The following SLC16A2 variants were observed in gnomAD, a reference collection of about 807,000 sequenced individuals.
SLC16A2 encodes solute carrier family 16 member 2, also known as monocarboxylate transporter 8.
In SLC16A2, 3 loss-of-function variants were observed where a neutral mutation model predicts 27.2. The observed-to-expected ratio is 0.11, with a 90% confidence interval of 0.05 to 0.28. SLC16A2 has a LOEUF of 0.28. Ranked by LOEUF, SLC16A2 falls within the 10% of genes least tolerant of loss-of-function variation. SLC16A2 has a pLI of 1.00. For missense variants in SLC16A2, 295 were observed against 458.5 expected (o/e 0.64, Z 3.26); for synonymous variants, 202 against 187.8 (o/e 1.08, Z -0.62).
intron 1 of SLC16A2, among the ~76,000 whole-genome samples, chrX:74,519,212 C>G (rs1176815990): frequency 1.9e-5 from 2 of 107,787 alleles, no homozygotes; most frequent in Non-Finnish European, 3.8e-5. Flanking sequence ...GAGTCTCACT[C>G]TGTCACCCAG....
At chrX:74,475,246 T>C (rs375381027) in intron 1 of SLC16A2, among the ~76,000 whole-genome samples, 132 of 102,453 alleles carry the variant, frequency 1.3e-3, no homozygotes, top group East Asian at 2.2e-3. Context: ...ATGAGCATTT[T>C]TTCATGTGTC....
intron 4 of SLC16A2, among the ~76,000 whole-genome samples, chrX:74,526,122 A>G (rs1930484566): frequency 8.9e-6 from 1 of 112,353 alleles, no homozygotes; most frequent in Non-Finnish European, 1.9e-5. Context: ...GGAACCTATT[A>G]GAACACGTGT....
At chrX:74,528,830 G>A (rs1329757394) in intron 4 of SLC16A2, among the ~76,000 whole-genome samples, 1 of 111,733 alleles carries the variant, frequency 8.9e-6, no homozygotes, top group Non-Finnish European at 1.9e-5. Flanking sequence ...TTGGATCTGA[G>A]AACACCGGTA....
chrX:74,476,358 G>C (rs909267133), intron 1 of SLC16A2, among the ~76,000 whole-genome samples: 4 of 112,037 alleles, frequency 3.6e-5, no homozygotes, highest in Admixed American at 1.9e-4. Flanking sequence ...AGTTGCTTAT[G>C]AGCTTAAGGA....
At chrX:74,480,108 C>A (rs1286556265) in intron 1 of SLC16A2, among the ~76,000 whole-genome samples, 2 of 112,288 alleles carry the variant, frequency 1.8e-5, no homozygotes, top group Non-Finnish European at 3.8e-5. Context: ...AGGCAGGCCT[C>A]CTTGAGCTGC....
At chrX:74,521,235 C>T in intron 2 of SLC16A2, 101 bp downstream of exon 2, 1 of 1,026,230 alleles carries the variant, frequency 9.7e-7, no homozygotes, top group Non-Finnish European at 1.4e-6. Flanking sequence ...CCCCTGTGGC[C>T]ATGGCCCTGT....
At chrX:74,452,726 G>A (rs772149424) in intron 1 of SLC16A2, among the ~76,000 whole-genome samples, 9 of 110,580 alleles carry the variant, frequency 8.1e-5, no homozygotes, top group Admixed American at 7.8e-4. Flanking sequence ...CTTCACTGAC[G>A]GTCACTGACA....
chrX:74,525,666 G>A (rs994417615), intron 3 of SLC16A2, 84 bp from the exon 4 acceptor site: 11 of 1,096,169 alleles, frequency 1.0e-5, no homozygotes, highest in African/African-American at 1.8e-5. Flanking sequence ...GTAAGCAGTA[G>A]GGGATTCTGG....
At chrX:74,429,508 T>TG (rs1176560628) in intron 1 of SLC16A2, among the ~76,000 whole-genome samples, 2 of 107,563 alleles carry the variant, frequency 1.9e-5, no homozygotes, top group Non-Finnish European at 3.8e-5. Flanking sequence ...AGGGTGGAGG[T>TG]GGGGGAGTGA....
intron 1 of SLC16A2, among the ~76,000 whole-genome samples, chrX:74,462,269 G>T (rs1045938798): frequency 4.4e-4 from 49 of 112,027 alleles, no homozygotes; most frequent in African/African-American, 1.5e-3. Context: ...TTTGTTTCTC[G>T]AGTAGCCTGA....
intron 1 of SLC16A2, among the ~76,000 whole-genome samples, chrX:74,434,815 T>A (rs1044966784): frequency 7.7e-5 from 8 of 104,381 alleles, no homozygotes; most frequent in East Asian, 5.8e-4. Flanking sequence ...CATCTTAGTT[T>A]GTTTTTTTTT....
At chrX:74,497,643 G>A (rs1019174483) in intron 1 of SLC16A2, among the ~76,000 whole-genome samples, 1 of 109,527 alleles carries the variant, frequency 9.1e-6, no homozygotes, top group Non-Finnish European at 1.9e-5. Context: ...GGGCTGTAGG[G>A]CCTCAGATAA....
At chrX:74,426,517 A>G (rs1309962085) in intron 1 of SLC16A2, among the ~76,000 whole-genome samples, 2 of 112,017 alleles carry the variant, frequency 1.8e-5, no homozygotes, top group East Asian at 2.8e-4. Flanking sequence ...AGCAAGACCC[A>G]GGGCCAAATC....
intron 1 of SLC16A2, among the ~76,000 whole-genome samples, chrX:74,467,745 T>G (rs1340964492): frequency 9.0e-6 from 1 of 111,567 alleles, no homozygotes; most frequent in African/African-American, 3.3e-5. Context: ...ACAGACTGAT[T>G]GTTGTCAGGC....
chrX:74,476,749 T>C (rs1425740630), intron 1 of SLC16A2, among the ~76,000 whole-genome samples: 3 of 112,198 alleles, frequency 2.7e-5, no homozygotes, highest in Admixed American at 1.9e-4. Context: ...GTGGTTTTTG[T>C]CATTGGTTCT....
chrX:74,456,167 G>A (rs1351177329), intron 1 of SLC16A2, among the ~76,000 whole-genome samples: 2 of 112,014 alleles, frequency 1.8e-5, no homozygotes, highest in Non-Finnish European at 3.8e-5. Context: ...GTGGCAGGAG[G>A]GCACTGGCTG....
chrX:74,460,281 G>A (rs1929113891), intron 1 of SLC16A2, among the ~76,000 whole-genome samples: 1 of 111,577 alleles, frequency 9.0e-6, no homozygotes, highest in Non-Finnish European at 1.9e-5. Flanking sequence ...GGGAGACACA[G>A]AAATCCTCTG....
At chrX:74,489,516 T>A (rs1430327024) in intron 1 of SLC16A2, among the ~76,000 whole-genome samples, 3 of 112,392 alleles carry the variant, frequency 2.7e-5, no homozygotes, top group Non-Finnish European at 5.6e-5. Flanking sequence ...GCTTATTTAT[T>A]AAAGATTTTA....
intron 1 of SLC16A2, among the ~76,000 whole-genome samples, chrX:74,490,324 C>T (rs1015689315): frequency 2.7e-5 from 3 of 109,175 alleles, no homozygotes; most frequent in Non-Finnish European, 5.7e-5. Context: ...GGTAATTCTC[C>T]TTGTTTTCTC....
Sources: gnomAD v4.1 joint callset for allele counts (sites outside exome capture counted in the v4.1 genomes callset) on GRCh38, gnomAD v4.1.1 for gene constraint, MANE v1.5 for transcripts, NCBI Gene and HGNC (gene_info 2026-07-23, HGNC 2026-07-21) for gene names.